Variants in PAQR8 observed in about 807,000 individuals in gnomAD.
The protein encoded by PAQR8 is progestin and adipoQ receptor family member 8.
In PAQR8, 17 loss-of-function variants were observed where a neutral mutation model predicts 25.2. That is an observed-to-expected ratio of 0.67 (90% CI 0.46 to 1.01). The LOEUF (loss-of-function observed/expected upper bound fraction) is 1.01, where lower values mean the gene tolerates loss of function less well. Among genes scored for constraint, PAQR8 ranks in the 50% least tolerant of loss-of-function variants. The pLI, the probability that PAQR8 is intolerant of heterozygous loss-of-function variation, is 0.00. For missense variants in PAQR8, 392 were observed against 448.4 expected (o/e 0.87, Z 1.14); for synonymous variants, 204 against 190.6 (o/e 1.07, Z -0.58).
chr6:52,396,025 G>C (rs967379874), intron 1 of PAQR8, among the ~76,000 whole-genome samples: 3 of 152,192 alleles, frequency 2.0e-5, no homozygotes, highest in African/African-American at 7.2e-5. Flanking sequence ...CTAAAGAACT[G>C]TTCATTCAGT....
At chr6:52,383,540 A>G (rs1763589896) in intron 1 of PAQR8, among the ~76,000 whole-genome samples, 1 of 151,570 alleles carries the variant, frequency 6.6e-6, no homozygotes, top group Admixed American at 6.6e-5. Context: ...GGGCGCCTGT[A>G]GTCCCAGCTA....
chr6:52,382,086 C>A (rs1348482473), intron 1 of PAQR8, among the ~76,000 whole-genome samples: 1 of 152,202 alleles, frequency 6.6e-6, no homozygotes, highest in Non-Finnish European at 1.5e-5. Flanking sequence ...TACCATACAA[C>A]ACAATACTTG....
At chr6:52,399,007 G>T (rs559987756) in intron 1 of PAQR8, among the ~76,000 whole-genome samples, 3 of 152,096 alleles carry the variant, frequency 2.0e-5, no homozygotes, top group African/African-American at 7.2e-5. Context: ...CACACTCCAG[G>T]GGGTGGAGTT....
At chr6:52,398,814 A>G (rs531667806) in intron 1 of PAQR8, among the ~76,000 whole-genome samples, 1 of 152,286 alleles carries the variant, frequency 6.6e-6, no homozygotes, top group Non-Finnish European at 1.5e-5. Flanking sequence ...TCAGCCTCCC[A>G]AAGTGCTGGG....
chr6:52,368,845 C>T (rs1212227778), intron 1 of PAQR8, among the ~76,000 whole-genome samples: 1 of 152,030 alleles, frequency 6.6e-6, no homozygotes, highest in African/African-American at 2.4e-5. Flanking sequence ...GTATAATCCC[C>T]ACGTGTCAAG....
At chr6:52,396,289 T>C (rs2113949264) in intron 1 of PAQR8, among the ~76,000 whole-genome samples, 1 of 152,170 alleles carries the variant, frequency 6.6e-6, no homozygotes, top group East Asian at 1.9e-4. Context: ...GTTAGAGTGT[T>C]GAAAATGACC....
chr6:52,404,466 T>C lies in PAQR8; in HGVS notation c.*188T>C, dbSNP rs1763884413. 1.0e-5 allele frequency: 6 copies of C among 594,642 alleles called. No homozygotes were observed. The highest frequency in any genetic ancestry group is 5.4e-5 in the South Asian group (2 of 37,068). 36.8% of individuals were successfully genotyped at this position (594,642 alleles called of 1,614,324 possible). A position where few individuals can be genotyped will look rare whatever the true frequency, so the allele number is the denominator to read the frequency against. ...TTGTTGTTAATAAAAGGAATACTCC[T>C]TTTCCTTTTGGATCATAGCTTAACA... On this transcript the variant is annotated 3_prime_UTR_variant, in exon 2 of 2. Transcript: ENST00000442253.
Position 52,382,292 on chromosome 6 carries a change from TTC to T in PAQR8, c.-53+20045_-53+20046del, listed in dbSNP as rs1288198431. On this transcript the variant is annotated intron_variant, in intron 1 of 1. Coordinates refer to ENST00000442253, the MANE Select transcript of PAQR8 (RefSeq NM_133367.5). ...AGTGCCTTCAGGGACAGATAAGGTT[TTC>T]TGACAGGAAGCTATTCCAGGTAAAG... Among the ~76,000 whole-genome samples the T allele has an allele frequency of 2.6e-5, 4 of 152,300 alleles. No individual in the cohort carries two copies. The South Asian group carries it at 6.2e-4, about 24-fold the overall frequency.
intron 1 of PAQR8, among the ~76,000 whole-genome samples, chr6:52,395,848 A>G (rs1763761553): frequency 6.6e-6 from 1 of 151,900 alleles, no homozygotes; most frequent in Non-Finnish European, 1.5e-5. Context: ...TCACCCACCC[A>G]CCCTTTTTTA....
Position 52,368,847 on chromosome 6 carries a change from C to T in PAQR8, c.-53+6598C>T, listed in dbSNP as rs538088706. Among the ~76,000 whole-genome samples, 151 of 152,182 alleles carry T rather than the reference C, an allele frequency of 9.9e-4. 1 individual carries two copies. The highest frequency in any genetic ancestry group is 3.5e-3 in the African/African-American group (145 of 41,508). Reference sequence around the variant, plus strand: ...CTCACCTTGAATTGTATAATCCCCACGTGTCAAGGGCGGGACCAGGTGGAA... The same window carrying T: ...CTCACCTTGAATTGTATAATCCCCATGTGTCAAGGGCGGGACCAGGTGGAA... On this transcript the variant is annotated intron_variant, in intron 1 of 1. Transcript: ENST00000442253.
rs776198767 is a variant in PAQR8, at chr6:52,403,207, C to T, written c.-7C>T. The T allele has an allele frequency of 1.0e-5, 16 of 1,588,792 alleles. No homozygotes were observed. The highest frequency in any genetic ancestry group is 1.3e-5 in the Non-Finnish European group (15 of 1,163,018). On this transcript the variant is annotated 5_prime_UTR_variant, in exon 2 of 2. Transcript: ENST00000442253. ...GGCGCGGCACGGAGTGCATGCGGGC[C>T]GCTGCCATGACGACCGCCATCTTGG... is the stretch of plus-strand genomic sequence containing the variant.
At chr6:52,395,044 A>G (rs762700159) in intron 1 of PAQR8, among the ~76,000 whole-genome samples, 2 of 152,130 alleles carry the variant, frequency 1.3e-5, no homozygotes, top group Non-Finnish European at 2.9e-5. Context: ...AGGTGGGTAG[A>G]TCACCTGAGG....
chr6:52,372,247 C>T (rs1221642407), intron 1 of PAQR8, among the ~76,000 whole-genome samples: 2 of 152,182 alleles, frequency 1.3e-5, no homozygotes, highest in Admixed American at 1.3e-4. Flanking sequence ...ACCAGCTCAA[C>T]TAAAGCTGAC....
chr6:52,373,513 C>G (rs1763445740), intron 1 of PAQR8: 1 of 152,236 alleles, frequency 6.6e-6, no homozygotes, highest in Non-Finnish European at 1.5e-5. Flanking sequence ...TCTCCGGAAT[C>G]ACATGCCTCT....
Position 52,379,619 on chromosome 6 carries a change from C to CTT in PAQR8, c.-53+17394_-53+17395dup, listed in dbSNP as rs909812638. 6.7e-3 allele frequency among the ~76,000 whole-genome samples: 517 copies of CTT among 77,106 alleles called. 23 individuals are homozygous for CTT. Among genetic ancestry groups the CTT allele is most frequent in the East Asian group, 0.012 (27 of 2,254 alleles). The allele number at this position is 77,106 out of a possible 152,430, so 50.6% of individuals were successfully genotyped here. ...GGTGCGTACCGCCACACCCAGCTTT[C>CTT]TTTTTTTTTTTTTTTTTTTTTTTTT... On this transcript the variant is annotated intron_variant, in intron 1 of 1. Transcript: ENST00000442253.
Position 52,405,871 on chromosome 6 carries a change from G to A in PAQR8, c.*1593G>A, listed in dbSNP as rs1188154612. 6.0e-6 allele frequency: 1 copy of A among 166,854 alleles called. No homozygotes were observed. Among genetic ancestry groups the A allele is most frequent in the Non-Finnish European group, 1.5e-5 (1 of 68,108 alleles). The allele number at this position is 166,854 out of a possible 1,614,324, so 10.3% of individuals were successfully genotyped here. On this transcript the variant is annotated 3_prime_UTR_variant, in exon 2 of 2. Coordinates refer to ENST00000442253, the MANE Select transcript of PAQR8 (RefSeq NM_133367.5). ...ATTGGGATAAGAAAAAATATATATT[G>A]CTCTTCAACTAGTGAATGAAAGAAA...
chr6:52,403,192 G>A lies in PAQR8; in HGVS notation c.-22G>A, dbSNP rs1021107796. On this transcript the variant is annotated 5_prime_UTR_variant, in exon 2 of 2. Transcript: ENST00000442253. ...ATACCCTGTCCTGAGGGCGCGGCACGGAGTGCATGCGGGCCGCTGCCATGA... is the reference window on the plus strand; with the variant it reads ...ATACCCTGTCCTGAGGGCGCGGCACAGAGTGCATGCGGGCCGCTGCCATGA... 11 of 1,580,320 alleles carry A rather than the reference G, an allele frequency of 7.0e-6. No individual in the cohort carries two copies. Among genetic ancestry groups the A allele is most frequent in the Middle Eastern group, 1.8e-4 (1 of 5,654 alleles).
intron 1 of PAQR8, among the ~76,000 whole-genome samples, chr6:52,390,039 A>G: frequency 6.6e-6 from 1 of 152,204 alleles, no homozygotes; most frequent in Non-Finnish European, 1.5e-5. Context: ...TCAGACAGCA[A>G]AGTTTACCTT....
rs1469598728 is a variant in PAQR8 at position 52,406,739 on chromosome 6, T to C, written c.*2461T>C. 2.5e-6 allele frequency: 1 copy of C among 399,756 alleles called. No homozygotes were observed. Among genetic ancestry groups the C allele is most frequent in the Admixed American group, 4.5e-5 (1 of 22,344 alleles). 24.8% of individuals were successfully genotyped at this position (399,756 alleles called of 1,614,324 possible). ...CACCACACCTGGCTAATTTTTGCAT[T>C]TTTTGTAGAGACAGGGTTTTGCCAC... On this transcript the variant is annotated 3_prime_UTR_variant, in exon 2 of 2. Coordinates refer to ENST00000442253, the MANE Select transcript of PAQR8 (RefSeq NM_133367.5).
Sources: allele counts gnomAD v4.1 joint callset (sites outside exome capture counted in the v4.1 genomes callset), GRCh38; gene constraint gnomAD v4.1.1; transcripts MANE v1.5; gene names NCBI Gene and HGNC (gene_info 2026-07-23, HGNC 2026-07-21).